The following FRYL variants were observed in gnomAD, a reference collection of about 807,000 sequenced individuals.
The protein encoded by FRYL is FRY like transcription coactivator, also known as protein furry homolog-like.
In FRYL, 150 loss-of-function variants were observed where a neutral mutation model predicts 351.2. The observed-to-expected ratio is 0.43, with a 90% CI of 0.37 to 0.49. FRYL has a LOEUF of 0.49. FRYL is among the 20% of genes least tolerant of loss of function. The pLI, the probability that FRYL is intolerant of heterozygous loss-of-function variation, is 0.00. For synonymous variants in FRYL, 1,153 were observed against 1,257.1 expected (o/e 0.92, Z 1.75); for missense variants, 3,036 against 3,619.3 (o/e 0.84, Z 4.13).
At chr4:48,515,377 G>T in intron 55 of FRYL, 102 bp from the exon 56 acceptor site, 2 of 872,564 alleles carry the variant, frequency 2.3e-6, no homozygotes, top group Non-Finnish European at 3.5e-6. Context: ...GTTTTATTAA[G>T]TGGTGTTCAT....
At chr4:48,526,025 T>C (rs1213059546) in intron 53 of FRYL, among the ~76,000 whole-genome samples, 1 of 152,082 alleles carries the variant, frequency 6.6e-6, no homozygotes, top group Non-Finnish European at 1.5e-5. Flanking sequence ...GTGTATGAGC[T>C]GTATATTAGT....
intron 3 of FRYL, among the ~76,000 whole-genome samples, chr4:48,654,343 T>C (rs1301601835): frequency 2.7e-5 from 4 of 147,376 alleles, no homozygotes; most frequent in African/African-American, 1.0e-4. Flanking sequence ...AAACTGGAGG[T>C]ATTTGGCTGA....
rs1195815682 is a variant in FRYL, at chr4:48,528,027, G to A, written c.7084C>T (p.Leu2362=). 1.3e-6 allele frequency: 2 copies of A among 1,580,186 alleles called. No homozygotes were observed. The highest frequency in any genetic ancestry group is 1.4e-5 in the African/African-American group (1 of 72,508). The change falls in exon 52 of 64, where the codon CTA becomes TTA. Residue 2362 remains leucine, a synonymous_variant. Transcript: ENST00000358350. The stretch of plus-strand genomic sequence containing the variant: ...CCACAGAGAGAAAGCACATTCATTA[G>A]CTTTTCTCTTGTTCTTCGCTAAAGG... ...QLSQRRTREK[L]MNVLSLCGPE...
At chr4:48,555,025 TTC>T (rs1268553623) in intron 35 of FRYL, among the ~76,000 whole-genome samples, 1 of 152,216 alleles carries the variant, frequency 6.6e-6, no homozygotes, top group African/African-American at 2.4e-5. Context: ...AACTCATAGA[TTC>T]TGAGATTTAA....
At chr4:48,514,230 C>T (rs889575355) in intron 56 of FRYL, among the ~76,000 whole-genome samples, 1 of 151,892 alleles carries the variant, frequency 6.6e-6, no homozygotes, top group African/African-American at 2.4e-5. Context: ...TCCAGGAGCT[C>T]CAAATTGTTG....
chr4:48,664,989 G>A (rs893755347), intron 3 of FRYL, among the ~76,000 whole-genome samples: 1 of 152,100 alleles, frequency 6.6e-6, no homozygotes, highest in African/African-American at 2.4e-5. Context: ...CTATAAGTGG[G>A]TTTCTAAAAA....
chr4:48,547,816 G>A, intron 40 of FRYL, 47 bp from the exon 41 acceptor site: 1 of 1,215,292 alleles, frequency 8.2e-7, no homozygotes, highest in East Asian at 2.6e-5. Flanking sequence ...GAAATAATGA[G>A]TATTCTTACT....
At chr4:48,671,166 C>T (rs1167571497) in intron 3 of FRYL, among the ~76,000 whole-genome samples, 1 of 152,168 alleles carries the variant, frequency 6.6e-6, no homozygotes, top group East Asian at 1.9e-4. Flanking sequence ...GATGATATCT[C>T]ACTGTAGTTT....
chr4:48,515,900 C>T (rs936070869), intron 55 of FRYL, among the ~76,000 whole-genome samples: 1 of 151,980 alleles, frequency 6.6e-6, no homozygotes, highest in Admixed American at 6.6e-5. Flanking sequence ...TAGTATAAAT[C>T]GTCTCCTGTT....
At chr4:48,550,007 A>C (rs1337525296) in intron 38 of FRYL, among the ~76,000 whole-genome samples, 1 of 152,192 alleles carries the variant, frequency 6.6e-6, no homozygotes, top group African/African-American at 2.4e-5. Flanking sequence ...TCCATCTTGA[A>C]AGGAACTCTG....
intron 3 of FRYL, among the ~76,000 whole-genome samples, chr4:48,668,386 T>TA (rs1226517947): frequency 0.077 from 9,492 of 122,820 alleles, 404 homozygotes; most frequent in Non-Finnish European, 0.12. Context: ...CTCAAAAAAT[T>TA]AAAAAAAAAA....
chr4:48,602,172 T>C (rs1237268171), intron 12 of FRYL, 51 bp from the exon 13 acceptor site: 2 of 917,540 alleles, frequency 2.2e-6, no homozygotes, highest in Non-Finnish European at 3.5e-6. Flanking sequence ...CGAAAAGCAC[T>C]GGACTTTTAA....
At chr4:48,754,362 A>G (rs1773553724) in intron 1 of FRYL, among the ~76,000 whole-genome samples, 1 of 152,112 alleles carries the variant, frequency 6.6e-6, no homozygotes, top group African/African-American at 2.4e-5. Flanking sequence ...TGGACATACC[A>G]TATTTCGGTT....
intron 4 of FRYL, among the ~76,000 whole-genome samples, chr4:48,628,431 C>CGTGTGTGT (rs397993302): frequency 0.029 from 4,177 of 144,690 alleles, 81 homozygotes; most frequent in East Asian, 0.053. Context: ...CCTTCATTTG[C>CGTGTGTGT]GTGTGTGTGT....
At chr4:48,641,948 C>T (rs1278095307) in intron 3 of FRYL, among the ~76,000 whole-genome samples, 1 of 152,042 alleles carries the variant, frequency 6.6e-6, no homozygotes, top group East Asian at 1.9e-4. Flanking sequence ...TTAAATTTGT[C>T]ATCCAATTGT....
At chr4:48,767,302 TTC>T (rs1432872155) in intron 1 of FRYL, among the ~76,000 whole-genome samples, 2 of 152,008 alleles carry the variant, frequency 1.3e-5, no homozygotes, top group African/African-American at 4.8e-5. Context: ...CAGCCAGATC[TTC>T]TGAGAACTCG....
chr4:48,527,946 G>A (rs1353662830), intron 52 of FRYL, 25 bp downstream of exon 52: 1 of 1,497,644 alleles, frequency 6.7e-7, no homozygotes, highest in South Asian at 1.3e-5. Flanking sequence ...TTAAGACCTT[G>A]ACACAGGTCT....
At chr4:48,667,639 C>T (rs923478908) in intron 3 of FRYL, among the ~76,000 whole-genome samples, 1 of 152,026 alleles carries the variant, frequency 6.6e-6, no homozygotes, top group African/African-American at 2.4e-5. Flanking sequence ...TGGACCCTTT[C>T]TTCAAAGCTT....
intron 59 of FRYL, chr4:48,506,424 G>GCAAAATATAAATAAAACA: frequency 6.6e-6 from 1 of 151,330 alleles, no homozygotes; most frequent in Middle Eastern, 3.4e-3. Context: ...ATTTTCTTCA[G>GCAAAATATAAATAAAACA]CAAAATATAA....
Sources: gnomAD v4.1 joint callset for allele counts (sites outside exome capture counted in the v4.1 genomes callset) on GRCh38, gnomAD v4.1.1 for gene constraint, MANE v1.5 for transcripts, NCBI Gene and HGNC (gene_info 2026-07-23, HGNC 2026-07-21) for gene names.